Variants in PPM1E observed in about 807,000 individuals in gnomAD.
PPM1E encodes the protein protein phosphatase 1E.
PPM1E carries 20 observed loss-of-function variants against 65.9 expected under a neutral mutation model. That is an observed-to-expected ratio of 0.30 (90% CI 0.21 to 0.44). The LOEUF (loss-of-function observed/expected upper bound fraction) is 0.44, where lower values mean the gene tolerates loss of function less well. PPM1E is among the 20% of genes least tolerant of loss of function. PPM1E has a pLI of 1.00. For missense variants in PPM1E, 713 were observed against 953.1 expected (o/e 0.75, Z 3.32); for synonymous variants, 352 against 374.9 (o/e 0.94, Z 0.70).
rs1038010465 is a variant in PPM1E, at chr17:58,983,610, T to C, written c.*2579T>C. 3 of 152,658 alleles carry C rather than the reference T, an allele frequency of 2.0e-5. No individual in the cohort carries two copies. The highest frequency in any genetic ancestry group is 4.4e-5 in the Non-Finnish European group (3 of 68,044). 9.5% of individuals were successfully genotyped at this position (152,658 alleles called of 1,614,324 possible). A position where few individuals can be genotyped will look rare whatever the true frequency, so the allele number is the denominator to read the frequency against. On this transcript the variant is annotated 3_prime_UTR_variant, in exon 7 of 7. Transcript: ENST00000308249. The stretch of plus-strand genomic sequence containing the variant: ...ATGGTGTACCTGGTGATTGTAAAAA[T>C]ATTAGACAGATATAAAAGTATCTAT...
intron 1 of PPM1E, among the ~76,000 whole-genome samples, chr17:58,780,227 G>A (rs918131255): frequency 3.9e-5 from 6 of 152,158 alleles, no homozygotes; most frequent in African/African-American, 1.4e-4. Flanking sequence ...ATAAGAAAAA[G>A]GCTGGATGCC....
At chr17:58,978,635 T>G (rs1461990525) in intron 6 of PPM1E, among the ~76,000 whole-genome samples, 5 of 152,042 alleles carry the variant, frequency 3.3e-5, no homozygotes, top group African/African-American at 1.2e-4. Flanking sequence ...TGCTGGAACC[T>G]GGGAGGCAGA....
At position 58,936,983 on chromosome 17, in the gene PPM1E, T is replaced by C. The variant is rs75804988; in HGVS notation, c.465-18666T>C. Among the ~76,000 whole-genome samples the C allele has an allele frequency of 4.6e-5, 7 of 152,164 alleles. No homozygotes were observed. In the East Asian group the frequency reaches 1.4e-3, roughly 30 times the overall value. On this transcript the variant is annotated intron_variant, in intron 1 of 6. Transcript: ENST00000308249. ...AATTGATTGGATTGATGTCAGCCTA[T>C]ATAGTGGAGATGGAATAATAAGCTC...
intron 1 of PPM1E, among the ~76,000 whole-genome samples, chr17:58,894,059 C>G (rs1406537397): frequency 6.6e-6 from 1 of 151,950 alleles, no homozygotes; most frequent in Non-Finnish European, 1.5e-5. Flanking sequence ...GGCAACAGAT[C>G]AAGACCCTGT....
rs2144114675 is a variant in PPM1E, at chr17:58,756,102, C to CGAACCG, written c.110_111insGGAACC (p.Pro43_Glu44dup). 1.9e-6 allele frequency: 3 copies of CGAACCG among 1,593,776 alleles called. No individual in the cohort carries two copies. Among genetic ancestry groups the CGAACCG allele is most frequent in the Non-Finnish European group, 2.6e-6 (3 of 1,166,380 alleles). On this transcript the variant is annotated inframe_insertion, in exon 1 of 7. Coordinates refer to ENST00000308249, the MANE Select transcript of PPM1E (RefSeq NM_014906.5). ...GCGGCGGCGAGCCGGAGCCGGAACC[C>CGAACCG]GAACCCGAACCCGAACCCGAACCCG...
chr17:58,787,382 TTTTTC>T (rs1462804759), intron 1 of PPM1E, among the ~76,000 whole-genome samples: 9 of 152,160 alleles, frequency 5.9e-5, no homozygotes, highest in East Asian at 1.9e-4. Flanking sequence ...ATTTTTCTTT[TTTTTC>T]TTTTCTTCTT....
chr17:58,907,190 G>A (rs1410933970), intron 1 of PPM1E, among the ~76,000 whole-genome samples: 1 of 151,898 alleles, frequency 6.6e-6, no homozygotes, highest in East Asian at 1.9e-4. Flanking sequence ...AGGCTGCAGT[G>A]AGCCAGGATC....
intron 1 of PPM1E, among the ~76,000 whole-genome samples, chr17:58,864,119 C>A (rs1383855753): frequency 1.3e-5 from 2 of 150,878 alleles, no homozygotes; most frequent in African/African-American, 4.9e-5. Flanking sequence ...AGTTCAAGAC[C>A]AGTCTGGGCA....
chr17:58,867,824 T>A (rs2051022710), intron 1 of PPM1E, among the ~76,000 whole-genome samples: 1 of 152,214 alleles, frequency 6.6e-6, no homozygotes, highest in South Asian at 2.1e-4. Flanking sequence ...AAAACATTTC[T>A]CCTTATCAAA....
In PPM1E at chr17:58,965,804, A is replaced by T; in HGVS notation, c.694A>T (p.Thr232Ser). Residue 232 changes from threonine (T) to serine (S), a missense_variant, in exon 3 of 7, where the codon ACA becomes TCA. Physicochemically the swap from Thr to Ser is moderately conservative, Grantham distance 58. Transcript: ENST00000308249. ...LRRRPQLYYE[T>S]SIHAIKNMRR... ...CAGGAGACCCCAGCTTTATTATGAG[A>T]CATCAATCCATGCCATCAAAAACAT... 1 of 1,614,134 alleles carries T rather than the reference A, an allele frequency of 6.2e-7. No homozygotes were observed.
chr17:58,843,247 A>G (rs1438170358), intron 1 of PPM1E, among the ~76,000 whole-genome samples: 1 of 150,850 alleles, frequency 6.6e-6, no homozygotes, highest in Non-Finnish European at 1.5e-5. Context: ...AATGGCATGA[A>G]CCTGAGAGGC....
chr17:58,909,261 C>T lies in PPM1E; in HGVS notation c.465-46388C>T, dbSNP rs111697091. On this transcript the variant is annotated intron_variant, in intron 1 of 6. Coordinates refer to ENST00000308249, the MANE Select transcript of PPM1E (RefSeq NM_014906.5). ...CACTCCCCACTGCCGCTCACCACCC[C>T]GCCAACCCCACACTGAGACAGGTTC... 9.9e-4 allele frequency among the ~76,000 whole-genome samples: 150 copies of T among 152,150 alleles called. 1 individual carries two copies. Among genetic ancestry groups the T allele is most frequent in the African/African-American group, 3.4e-3 (140 of 41,514 alleles).
intron 1 of PPM1E, among the ~76,000 whole-genome samples, chr17:58,792,993 C>T (rs755897815): frequency 5.9e-5 from 9 of 151,960 alleles, no homozygotes; most frequent in Non-Finnish European, 1.3e-4. Flanking sequence ...CATGATCCGC[C>T]CGCCTTGGCC....
rs774705560 is a variant in PPM1E at position 58,756,049 on chromosome 17, T to C, written c.52T>C (p.Phe18Leu). 9 of 1,614,002 alleles carry C rather than the reference T, an allele frequency of 5.6e-6. No homozygotes were observed. The South Asian group carries it at 8.8e-5, about 16-fold the overall frequency. The change falls in exon 1 of 7, where the codon TTC (phenylalanine) becomes CTC (leucine). Residue 18 changes from phenylalanine (F) to leucine (L), a missense_variant. Physicochemically the swap from Phe to Leu is conservative, Grantham distance 22. Coordinates refer to ENST00000308249, the MANE Select transcript of PPM1E (RefSeq NM_014906.5). ...EKTYRRFLEL[F>L]LGEFRGPCGG... ...AACTTACCGGCGCTTCCTGGAGCTATTCCTGGGCGAGTTTCGCGGACCGTG... is the reference window on the plus strand; with the variant it reads ...AACTTACCGGCGCTTCCTGGAGCTACTCCTGGGCGAGTTTCGCGGACCGTG...
chr17:58,935,107 T>A (rs1478172374), intron 1 of PPM1E, among the ~76,000 whole-genome samples: 2 of 150,836 alleles, frequency 1.3e-5, no homozygotes, highest in African/African-American at 4.9e-5. Context: ...AAAAATTAGC[T>A]GGGCGCAGTG....
Position 58,980,634 on chromosome 17 carries a change from G to C in PPM1E, c.1871G>C (p.Gly624Ala). ...QSSLPEWSGA[G>A]EFPTAFNLGS... Reference sequence around the variant, plus strand: ...TCATTGCCTGAATGGAGTGGTGCTGGAGAGTTTCCCACTGCTTTCAATTTG... The same window carrying C: ...TCATTGCCTGAATGGAGTGGTGCTGCAGAGTTTCCCACTGCTTTCAATTTG... The change falls in exon 7 of 7, where the codon GGA becomes GCA. Residue 624 changes from glycine (G) to alanine (A), a missense_variant. Physicochemically the swap from Gly to Ala is moderately conservative, Grantham distance 60. Transcript: ENST00000308249. This position sits in a 1 kb window ranked among gnomAD's most constrained non-coding sequence, Gnocchi z 4.7. 1 of 1,614,172 alleles carries C rather than the reference G, an allele frequency of 6.2e-7. No homozygotes were observed. Among genetic ancestry groups the C allele is most frequent in the African/African-American group, 1.3e-5 (1 of 75,048 alleles).
chr17:58,973,921 C>T (rs561415031), intron 6 of PPM1E, among the ~76,000 whole-genome samples: 30 of 143,514 alleles, frequency 2.1e-4, no homozygotes, highest in African/African-American at 7.9e-4. Context: ...CACTGCGCTC[C>T]AGGCTGGGCG....
At chr17:58,793,424 C>T (rs573054932) in intron 1 of PPM1E, among the ~76,000 whole-genome samples, 5 of 151,738 alleles carry the variant, frequency 3.3e-5, no homozygotes, top group African/African-American at 4.8e-5. Context: ...GGCGCGATCT[C>T]GGCTCACTGC....
intron 1 of PPM1E, among the ~76,000 whole-genome samples, chr17:58,896,033 T>G (rs568030152): frequency 6.8e-6 from 1 of 147,524 alleles, no homozygotes; most frequent in African/African-American, 2.5e-5. Context: ...AAGAATGGCA[T>G]GAACCTGGGA....
Sources: gnomAD v4.1 joint callset for allele counts (sites outside exome capture counted in the v4.1 genomes callset) on GRCh38, gnomAD v4.1.1 for gene constraint, Gnocchi (gnomAD v3.1) non-coding constraint, MANE v1.5 for transcripts, NCBI Gene and HGNC (gene_info 2026-07-23, HGNC 2026-07-21) for gene names.